RUFY3: variants seen among roughly 807,000 people sequenced by gnomAD.
RUFY3 encodes the protein RUN and FYVE domain containing 3, also known as protein RUFY3.
In RUFY3, 34 loss-of-function variants were observed where a neutral mutation model predicts 84.0. The observed-to-expected ratio is 0.40, with a 90% CI of 0.31 to 0.54. RUFY3 has a LOEUF of 0.54. Ranked by LOEUF, RUFY3 falls within the 20% of genes least tolerant of loss-of-function variation. RUFY3 has a pLI of 0.39. For synonymous variants in RUFY3, 242 were observed against 252.9 expected (o/e 0.96, Z 0.41); for missense variants, 507 against 736.8 (o/e 0.69, Z 3.61).
At chr4:70,767,681 A>G (rs1052200032) in intron 4 of RUFY3, among the ~76,000 whole-genome samples, 1 of 151,310 alleles carries the variant, frequency 6.6e-6, no homozygotes. Context: ...ATGGGTCTTC[A>G]CGAATTTTTT....
intron 12 of RUFY3, chr4:70,792,980 CT>C (rs1408914967): frequency 2.9e-5 from 29 of 985,288 alleles, no homozygotes; most frequent in Non-Finnish European, 3.4e-5. Flanking sequence ...CGAAATTGAA[CT>C]TTCTAAAACC....
rs771262604 is a variant in RUFY3 at position 70,806,645 on chromosome 4, A to C, written c.1849A>C (p.Thr617Pro). 27 of 1,614,100 alleles carry C rather than the reference A, an allele frequency of 1.7e-5. No individual in the cohort carries two copies. The South Asian group carries it at 2.9e-4, about 17-fold the overall frequency. The change falls in exon 18 of 18, where the codon ACC becomes CCC. Residue 617 changes from threonine to proline, a missense_variant. Around this residue, in one of 4 missense-constraint regions of RUFY3, gnomAD observed 334 missense variants for 364.1 expected, o/e 0.92. Transcript: ENST00000381006. ...CHKHLMKQYSTSPS is the reference protein window; with the variant it reads ...CHKHLMKQYSPSPS ...CAAGCATCTGATGAAGCAATATTCT[A>C]CCAGCCCATCATAAGACTGGAGGCC...
intron 1 of RUFY3, among the ~76,000 whole-genome samples, chr4:70,705,864 A>G (rs1294873221): frequency 2.0e-5 from 3 of 152,222 alleles, no homozygotes; most frequent in Non-Finnish European, 4.4e-5. Context: ...CCATGCCGGT[A>G]AATATGACAG....
chr4:70,711,122 A>T (rs1479833878), intron 1 of RUFY3, among the ~76,000 whole-genome samples: 5 of 151,500 alleles, frequency 3.3e-5, no homozygotes, highest in African/African-American at 1.2e-4. Flanking sequence ...CAAAGTGAAA[A>T]TAAACAATTT....
chr4:70,761,606 G>T (rs1725048360), intron 1 of RUFY3, among the ~76,000 whole-genome samples: 1 of 152,140 alleles, frequency 6.6e-6, no homozygotes, highest in Non-Finnish European at 1.5e-5. Context: ...AATTGTAAGA[G>T]GTAGCCCACA....
intron 8 of RUFY3, among the ~76,000 whole-genome samples, chr4:70,781,195 C>G (rs1312586584): frequency 6.6e-6 from 1 of 152,026 alleles, no homozygotes. Flanking sequence ...ATATAAATAT[C>G]CACTTCAGGC....
At chr4:70,740,629 T>TC (rs1272358034) in intron 1 of RUFY3, among the ~76,000 whole-genome samples, 13 of 152,294 alleles carry the variant, frequency 8.5e-5, no homozygotes, top group African/African-American at 2.4e-4. Flanking sequence ...ATGGTAAGAG[T>TC]CCATTCTCAT....
At chr4:70,778,133 C>T (rs1560538289) in intron 7 of RUFY3, among the ~76,000 whole-genome samples, 1 of 152,042 alleles carries the variant, frequency 6.6e-6, no homozygotes, top group Non-Finnish European at 1.5e-5. Context: ...ACTTGGGAGA[C>T]TGAGGCAAGA....
intron 1 of RUFY3, among the ~76,000 whole-genome samples, chr4:70,706,019 C>A (rs530173155): frequency 1.7e-4 from 26 of 152,248 alleles, no homozygotes; most frequent in Admixed American, 3.3e-4. Flanking sequence ...CACACGCGAG[C>A]GCTCTGAATG....
chr4:70,766,561 A>C (rs990714012), intron 4 of RUFY3, among the ~76,000 whole-genome samples: 4 of 152,174 alleles, frequency 2.6e-5, no homozygotes, highest in Non-Finnish European at 5.9e-5. Context: ...ATTTTTTTAA[A>C]AAATCTAAAA....
At chr4:70,792,473 G>T in intron 12 of RUFY3, 1 of 985,178 alleles carries the variant, frequency 1.0e-6, no homozygotes, top group Non-Finnish European at 1.2e-6. Flanking sequence ...CCCTTTCTAG[G>T]CTTTAACATT....
chr4:70,764,717 C>T (rs1725559819), intron 4 of RUFY3, 141 bp downstream of exon 4: 2 of 592,218 alleles, frequency 3.4e-6, no homozygotes, highest in Non-Finnish European at 6.0e-6. Context: ...TCATACCTCA[C>T]ACACATATCC....
At chr4:70,732,568 T>A (rs927589809) in intron 1 of RUFY3, among the ~76,000 whole-genome samples, 7 of 152,152 alleles carry the variant, frequency 4.6e-5, no homozygotes, top group Non-Finnish European at 8.8e-5. Context: ...CATGGAATAC[T>A]ATGCAGCCAT....
chr4:70,711,219 A>G (rs1039385924), intron 1 of RUFY3, among the ~76,000 whole-genome samples: 1 of 151,998 alleles, frequency 6.6e-6, no homozygotes, highest in Non-Finnish European at 1.5e-5. Context: ...TCGGCCTTCC[A>G]AAGTGCTGGG....
chr4:70,749,237 A>G (rs975773938), intron 1 of RUFY3, among the ~76,000 whole-genome samples: 6 of 152,172 alleles, frequency 3.9e-5, no homozygotes, highest in African/African-American at 1.2e-4. Flanking sequence ...ATGTTTCCAG[A>G]AATCTTCTAG....
intron 1 of RUFY3, among the ~76,000 whole-genome samples, chr4:70,746,769 T>G (rs567883915): frequency 6.6e-6 from 1 of 152,306 alleles, no homozygotes; most frequent in South Asian, 2.1e-4. Flanking sequence ...TTCGGAGAAT[T>G]ATGCTGAATA....
intron 1 of RUFY3, among the ~76,000 whole-genome samples, chr4:70,711,306 T>C (rs1311827621): frequency 6.6e-6 from 1 of 151,926 alleles, no homozygotes; most frequent in Non-Finnish European, 1.5e-5. Context: ...CTTTAAACTT[T>C]GAAAAGGCAA....
intron 13 of RUFY3, 47 bp from the exon 14 acceptor site, chr4:70,794,746 CTG>C: frequency 8.4e-7 from 1 of 1,197,102 alleles, no homozygotes; most frequent in Non-Finnish European, 1.2e-6. Context: ...GAGAATATGT[CTG>C]TATAGAATTC....
At chr4:70,745,027 T>C (rs1043467124) in intron 1 of RUFY3, among the ~76,000 whole-genome samples, 4 of 151,544 alleles carry the variant, frequency 2.6e-5, no homozygotes, top group Admixed American at 2.6e-4. Flanking sequence ...CAATCTCGGC[T>C]CACTGCAGCC....
Sources: gnomAD v4.1 joint callset for allele counts (sites outside exome capture counted in the v4.1 genomes callset) on GRCh38, gnomAD v4.1.1 for gene constraint, gnomAD v4.1.1 regional missense constraint, MANE v1.5 for transcripts, NCBI Gene and HGNC (gene_info 2026-07-23, HGNC 2026-07-21) for gene names.